Variants in C3orf33 observed in about 807,000 individuals in gnomAD.
The protein encoded by C3orf33 is mitochondrial inner membrane subdomain organizer 1.
A neutral mutation model predicts 28.7 loss-of-function variants in C3orf33; 23 were observed. The observed-to-expected ratio is 0.80, with a 90% CI of 0.58 to 1.13. The LOEUF (loss-of-function observed/expected upper bound fraction) is 1.13. Among genes scored for constraint, C3orf33 ranks in the 50% most tolerant of loss-of-function variants. C3orf33 has a pLI of 0.00. For missense variants in C3orf33, 327 were observed against 353.4 expected, an observed-to-expected ratio of 0.93 and a Z score of 0.60; for synonymous variants, 119 against 120.5, an observed-to-expected ratio of 0.99 and a Z score of 0.08.
In C3orf33 at chr3:155,801,236, A is replaced by C. The variant is rs532907; in HGVS notation, c.174+1296T>G. On this transcript the variant is annotated intron_variant, in intron 2 of 4. Transcript: ENST00000340171. ...TGAGGCAGGAGAATTGCTTGAACCC[A>C]GGAGGTGGAAGTTACAGTGAGCCAA... Among the ~76,000 whole-genome samples, 804 of 150,890 alleles carry C rather than the reference A, an allele frequency of 5.3e-3. 9 individuals are homozygous for C. Among genetic ancestry groups the C allele is most frequent in the African/African-American group, 0.019 (771 of 40,988 alleles).
chr3:155,805,496 G>C, intron 1 of C3orf33: 1 of 408,548 alleles, frequency 2.4e-6, no homozygotes, highest in South Asian at 1.8e-5. Context: ...TGAGGTGGGA[G>C]ATCACTTGAG....
chr3:155,766,792 T>C (rs2109249454), intron 4 of C3orf33, among the ~76,000 whole-genome samples: 1 of 151,692 alleles, frequency 6.6e-6, no homozygotes, highest in East Asian at 1.9e-4. Flanking sequence ...CTACTAAAAA[T>C]ACAAAAAATT....
intron 2 of C3orf33, among the ~76,000 whole-genome samples, chr3:155,777,250 G>A (rs1034848462): frequency 1.1e-4 from 16 of 151,704 alleles, no homozygotes; most frequent in African/African-American, 3.6e-4. Flanking sequence ...GGAGGCGGAG[G>A]TTGCAGTGAG....
chr3:155,792,133 A>G (rs1751333088), intron 2 of C3orf33, among the ~76,000 whole-genome samples: 1 of 152,182 alleles, frequency 6.6e-6, no homozygotes, highest in Admixed American at 6.5e-5. Context: ...ACACAGACAG[A>G]GAGACTCTAC....
chr3:155,776,759 CAAA>C (rs10654812), intron 2 of C3orf33, among the ~76,000 whole-genome samples: 38 of 86,916 alleles, frequency 4.4e-4, no homozygotes, highest in Non-Finnish European at 6.0e-4. Flanking sequence ...CTGACTCTGT[CAAA>C]AAAAAAAAAA....
In C3orf33 at chr3:155,763,743, G is replaced by C. The variant is rs770619794; in HGVS notation, c.659C>G (p.Ser220Cys). Reference sequence around the variant, plus strand: ...TTTTTCTAAGTAACTTTCTTTTTCAGAGTCTTCCTTCCATATTCCTTCTCC... The same window carrying C: ...TTTTTCTAAGTAACTTTCTTTTTCACAGTCTTCCTTCCATATTCCTTCTCC... Reference protein sequence around the residue: ...KKGEGIWKEDSEKESYLEKFK... With the variant: ...KKGEGIWKEDCEKESYLEKFK... The change falls in exon 5 of 5, where the codon TCT (serine) becomes TGT (cysteine). Residue 220 changes from serine to cysteine, a missense_variant. Physicochemically the swap from Ser to Cys is moderately radical, Grantham distance 112 (BLOSUM62 -1). Transcript: ENST00000340171. 2 of 1,597,212 alleles carry C rather than the reference G, an allele frequency of 1.3e-6. No homozygotes were observed. Among genetic ancestry groups the C allele is most frequent in the Non-Finnish European group, 1.7e-6 (2 of 1,175,650 alleles).
chr3:155,769,608 T>C (rs191502498), intron 3 of C3orf33, among the ~76,000 whole-genome samples: 2 of 152,254 alleles, frequency 1.3e-5, no homozygotes, highest in African/African-American at 2.4e-5. Flanking sequence ...AAAGATTAAA[T>C]TATGTCAAAT....
At chr3:155,767,471 G>A in intron 4 of C3orf33, 38 bp downstream of exon 4, 3 of 1,398,950 alleles carry the variant, frequency 2.1e-6, no homozygotes, top group Non-Finnish European at 1.9e-6. Flanking sequence ...GTAATAAGAA[G>A]AATAAGATAT....
intron 2 of C3orf33, among the ~76,000 whole-genome samples, chr3:155,797,336 G>A (rs182733468): frequency 3.3e-5 from 5 of 152,220 alleles, no homozygotes; most frequent in Admixed American, 1.3e-4. Context: ...CAACAGACCC[G>A]CAGCCCTAGT....
chr3:155,785,842 A>T (rs1751082628), intron 2 of C3orf33, among the ~76,000 whole-genome samples: 1 of 152,040 alleles, frequency 6.6e-6, no homozygotes, highest in Admixed American at 6.6e-5. Context: ...AGTTTGAGAC[A>T]ATTCTGGGCA....
At chr3:155,805,027 C>T (rs1181473371) in intron 1 of C3orf33, among the ~76,000 whole-genome samples, 3 of 152,190 alleles carry the variant, frequency 2.0e-5, no homozygotes, top group Non-Finnish European at 2.9e-5. Context: ...CCTCCTTGGA[C>T]CTCTTTCTTT....
intron 2 of C3orf33, among the ~76,000 whole-genome samples, chr3:155,781,699 C>A (rs1479301688): frequency 6.9e-6 from 1 of 143,950 alleles, no homozygotes; most frequent in Non-Finnish European, 1.5e-5. Context: ...AACCCAGGAG[C>A]CAGAGTTTGC....
chr3:155,772,740 C>T (rs1750627205), intron 3 of C3orf33, among the ~76,000 whole-genome samples: 1 of 149,154 alleles, frequency 6.7e-6, no homozygotes, highest in African/African-American at 2.5e-5. Context: ...ATGAAGTATT[C>T]TAAATGTTTC....
At chr3:155,778,417 A>T (rs1378842389) in intron 2 of C3orf33, among the ~76,000 whole-genome samples, 1 of 152,224 alleles carries the variant, frequency 6.6e-6, no homozygotes, top group Non-Finnish European at 1.5e-5. Context: ...GTATTTATGG[A>T]TGATGTCTCA....
chr3:155,788,477 G>C (rs966893049), intron 2 of C3orf33, among the ~76,000 whole-genome samples: 2 of 151,984 alleles, frequency 1.3e-5, no homozygotes, highest in Non-Finnish European at 2.9e-5. Flanking sequence ...GAGGTCAAGA[G>C]ATCGAGACCA....
At chr3:155,769,352 G>C (rs1393336646) in intron 3 of C3orf33, among the ~76,000 whole-genome samples, 1 of 151,326 alleles carries the variant, frequency 6.6e-6, no homozygotes, top group Non-Finnish European at 1.5e-5. Flanking sequence ...GCTGGGCATG[G>C]TGGTGCGTGC....
chr3:155,784,195 G>A (rs1357300002), intron 2 of C3orf33, among the ~76,000 whole-genome samples: 6 of 152,098 alleles, frequency 3.9e-5, no homozygotes, highest in Admixed American at 3.9e-4. Flanking sequence ...CTCCCAAAGT[G>A]CTGGGATTAC....
At chr3:155,774,695 C>A (rs1337273224) in intron 3 of C3orf33, among the ~76,000 whole-genome samples, 3 of 120,458 alleles carry the variant, frequency 2.5e-5, no homozygotes, top group African/African-American at 6.3e-5. Context: ...TTTAGCTCAT[C>A]AGCTATCATT....
At chr3:155,803,860 C>A (rs1045096570) in intron 1 of C3orf33, among the ~76,000 whole-genome samples, 4 of 138,808 alleles carry the variant, frequency 2.9e-5, no homozygotes, top group Non-Finnish European at 6.3e-5. Flanking sequence ...CCAGCCTGGG[C>A]GACAGAGTGA....
Sources: gnomAD v4.1 joint callset for allele counts (sites outside exome capture counted in the v4.1 genomes callset) on GRCh38, gnomAD v4.1.1 for gene constraint, MANE v1.5 for transcripts, NCBI Gene and HGNC (gene_info 2026-07-23, HGNC 2026-07-21) for gene names.